RAD51B: variants seen among roughly 807,000 people sequenced by gnomAD.
RAD51B encodes DNA repair protein RAD51 homolog 2.
RAD51B carries 38 observed loss-of-function variants against 42.2 expected under a neutral mutation model. The ratio of observed to expected loss-of-function variants is 0.90; its 90% CI spans 0.70 to 1.18. RAD51B has a LOEUF of 1.18. RAD51B is among the 50% of genes most tolerant of loss of function. The pLI, the probability that RAD51B is intolerant of heterozygous loss-of-function variation, is 0.00. For missense variants in RAD51B, 373 were observed against 400.7 expected, an observed-to-expected ratio of 0.93 and a Z score of 0.59; for synonymous variants, 154 against 145.2, an observed-to-expected ratio of 1.06 and a Z score of -0.43.
At chr14:68,526,386 A>G (rs1057323082) in intron 10 of RAD51B, among the ~76,000 whole-genome samples, 4 of 152,364 alleles carry the variant, frequency 2.6e-5, no homozygotes, top group Middle Eastern at 3.4e-3. Flanking sequence ...ATGTTTCCAC[A>G]GCAACAAACC....
In RAD51B at chr14:68,156,157, A is replaced by G. The variant is rs891318250; in HGVS notation, c.757-135727A>G. Among the ~76,000 whole-genome samples, 8 of 152,086 alleles carry G rather than the reference A, an allele frequency of 5.3e-5. No homozygotes were observed. The East Asian group carries it at 1.2e-3, about 22-fold the overall frequency. ...AGCAGCACTGGTTCCAGGGAGAGAG[A>G]ATACTAGTTTTGTTTATTTGTTTGT... On this transcript the variant is annotated intron_variant, in intron 7 of 10. Transcript: ENST00000471583.
chr14:68,045,858 A>AT (rs1164208300), intron 7 of RAD51B, among the ~76,000 whole-genome samples: 2 of 151,784 alleles, frequency 1.3e-5, no homozygotes, highest in African/African-American at 2.4e-5. Flanking sequence ...GAAAAGATTT[A>AT]TTTTTTTTAG....
At chr14:67,936,266 C>T (rs1382628568) in intron 7 of RAD51B, among the ~76,000 whole-genome samples, 2 of 152,176 alleles carry the variant, frequency 1.3e-5, no homozygotes, top group Non-Finnish European at 2.9e-5. Context: ...TTTCCACCTT[C>T]CCCAAGCCCT....
rs139903457 is a variant in RAD51B at position 68,119,248 on chromosome 14, C to A, written c.757-172636C>A. On this transcript the variant is annotated intron_variant, in intron 7 of 10. Transcript: ENST00000471583. Reference sequence around the variant, plus strand: ...GGGTCTCACCATGTTGTCCAGGCTGCAGTTCTTGATGTTAATTTCTTTTTT... The same window carrying A: ...GGGTCTCACCATGTTGTCCAGGCTGAAGTTCTTGATGTTAATTTCTTTTTT... Among the ~76,000 whole-genome samples the A allele has an allele frequency of 6.0e-5, 9 of 150,158 alleles. No individual in the cohort carries two copies. The East Asian group carries it at 1.7e-3, about 29-fold the overall frequency.
At chr14:68,328,485 A>G (rs2082288259) in intron 8 of RAD51B, among the ~76,000 whole-genome samples, 1 of 152,148 alleles carries the variant, frequency 6.6e-6, no homozygotes, top group Admixed American at 6.5e-5. Context: ...GGACTATACC[A>G]TTTGTGGATT....
At position 68,412,882 on chromosome 14, in the gene RAD51B, A is replaced by T. The variant is rs567820874; in HGVS notation, c.957+1355A>T. On this transcript the variant is annotated intron_variant, in intron 9 of 10. Coordinates refer to ENST00000471583, the MANE Select transcript of RAD51B (RefSeq NM_133510.4). ...GCAGCTTTCAGGGATATCATTAAGG[A>T]TTGTTGAACACACCTATGTAAACTT... 2.0e-5 allele frequency among the ~76,000 whole-genome samples: 3 copies of T among 152,324 alleles called. No individual in the cohort carries two copies. In the South Asian group the frequency reaches 6.2e-4, roughly 32 times the overall value.
At chr14:67,832,904 A>G (rs1199765983) in intron 3 of RAD51B, among the ~76,000 whole-genome samples, 2 of 152,348 alleles carry the variant, frequency 1.3e-5, no homozygotes, top group Admixed American at 6.5e-5. Context: ...TCTTTTAAAA[A>G]TCAGGTAAAA....
chr14:68,538,598 C>T (rs1231358601), intron 10 of RAD51B, among the ~76,000 whole-genome samples: 2 of 151,318 alleles, frequency 1.3e-5, no homozygotes, highest in African/African-American at 2.4e-5. Flanking sequence ...GCTTGCAGAA[C>T]GCCAACATAG....
chr14:67,894,731 C>T (rs58431859), intron 7 of RAD51B, among the ~76,000 whole-genome samples: 2,361 of 152,266 alleles, frequency 0.016, 67 homozygotes, highest in African/African-American at 0.053. Context: ...CATAGTCTCT[C>T]GGGTAAACCC....
chr14:68,575,411 T>C (rs1594988922), intron 10 of RAD51B, among the ~76,000 whole-genome samples: 1 of 152,182 alleles, frequency 6.6e-6, no homozygotes, highest in Non-Finnish European at 1.5e-5. Flanking sequence ...AGTCACCAGA[T>C]TTTATTTTCC....
intron 10 of RAD51B, among the ~76,000 whole-genome samples, chr14:68,543,917 TA>T (rs1888093002): frequency 6.6e-6 from 1 of 152,088 alleles, no homozygotes; most frequent in African/African-American, 2.4e-5. Flanking sequence ...CTCAGGAAAT[TA>T]GAACAAAAAA....
chr14:68,107,125 A>T (rs976135622), intron 7 of RAD51B, among the ~76,000 whole-genome samples: 8 of 151,852 alleles, frequency 5.3e-5, no homozygotes, highest in African/African-American at 1.9e-4. Flanking sequence ...ACTGGTATAA[A>T]CATGCTTGGC....
At chr14:68,215,765 T>G (rs992541628) in intron 7 of RAD51B, among the ~76,000 whole-genome samples, 1 of 152,214 alleles carries the variant, frequency 6.6e-6, no homozygotes, top group Admixed American at 6.5e-5. Context: ...CTAGATCCTG[T>G]AGCTGCTTCA....
chr14:67,926,927 A>G (rs1038474138), intron 7 of RAD51B, among the ~76,000 whole-genome samples: 1 of 152,168 alleles, frequency 6.6e-6, no homozygotes, highest in Non-Finnish European at 1.5e-5. Flanking sequence ...CAATTTACAG[A>G]TCCTGAGGTC....
At chr14:67,962,745 G>A (rs778299881) in intron 7 of RAD51B, among the ~76,000 whole-genome samples, 5 of 152,114 alleles carry the variant, frequency 3.3e-5, no homozygotes, top group Non-Finnish European at 5.9e-5. Flanking sequence ...CCAAAAAAGT[G>A]TTGTGATATT....
chr14:68,620,768 G>C (rs1891928851), intron 10 of RAD51B, among the ~76,000 whole-genome samples: 1 of 152,198 alleles, frequency 6.6e-6, no homozygotes, highest in African/African-American at 2.4e-5. Context: ...GTCCTCACCT[G>C]TCTGTCCACA....
chr14:68,673,702 C>T (rs118156754), intron 11 of RAD51B, among the ~76,000 whole-genome samples: 2,233 of 151,686 alleles, frequency 0.015, 29 homozygotes, highest in Non-Finnish European at 0.022. Context: ...CACACATACA[C>T]ATACTGTACA....
At chr14:67,958,392 C>T (rs1009681156) in intron 7 of RAD51B, among the ~76,000 whole-genome samples, 4 of 152,064 alleles carry the variant, frequency 2.6e-5, no homozygotes, top group African/African-American at 7.2e-5. Flanking sequence ...TTTGCAAACA[C>T]GGCTATATGA....
chr14:67,922,962 A>T (rs1445359003), intron 7 of RAD51B, among the ~76,000 whole-genome samples: 1 of 152,138 alleles, frequency 6.6e-6, no homozygotes, highest in African/African-American at 2.4e-5. Context: ...AAGTGCTGGG[A>T]TTACAGGCAT....
Sources: gnomAD v4.1 joint callset for allele counts (sites outside exome capture counted in the v4.1 genomes callset) on GRCh38, gnomAD v4.1.1 for gene constraint, MANE v1.5 for transcripts, NCBI Gene and HGNC (gene_info 2026-07-23, HGNC 2026-07-21) for gene names.